The following MTDH variants were observed in gnomAD, a reference collection of about 807,000 sequenced individuals.
MTDH encodes the protein metadherin.
MTDH carries 34 observed loss-of-function variants against 72.7 expected under a neutral mutation model. The ratio of observed to expected loss-of-function variants is 0.47; its 90% CI spans 0.36 to 0.62. The LOEUF is 0.62. Among genes scored for constraint, MTDH ranks in the 20% least tolerant of loss-of-function variants. The pLI, the probability that MTDH is intolerant of heterozygous loss-of-function variation, is 0.00. For synonymous variants in MTDH, 266 were observed against 268.9 expected, an observed-to-expected ratio of 0.99 and a Z score of 0.10; for missense variants, 677 against 699.4, an observed-to-expected ratio of 0.97 and a Z score of 0.36.
chr8:97,707,837 T>G lies in MTDH; in HGVS notation c.1272+1087T>G, dbSNP rs1217132247. 2.0e-5 allele frequency among the ~76,000 whole-genome samples: 3 copies of G among 148,644 alleles called. No homozygotes were observed. The South Asian group carries it at 6.4e-4, about 32-fold the overall frequency. ...CTGAGGCAGGAGGATTGTTTGAACA[T>G]AGCAAGACCCCATCTCTTAAAAAAG... On this transcript the variant is annotated intron_variant, in intron 8 of 11. Transcript: ENST00000336273.
At chr8:97,706,520 C>T in intron 7 of MTDH, 106 bp from the exon 8 acceptor site, 1 of 1,110,956 alleles carries the variant, frequency 9.0e-7, no homozygotes, top group Non-Finnish European at 1.2e-6. Flanking sequence ...GGAGACAGAA[C>T]AATAACTTAA....
In MTDH at chr8:97,644,883, C is replaced by A; in HGVS notation, c.377C>A (p.Pro126His). The A allele has an allele frequency of 6.5e-7, 1 of 1,550,280 alleles. No individual in the cohort carries two copies. The highest frequency in any genetic ancestry group is 8.6e-7 in the Non-Finnish European group (1 of 1,159,784). The change falls in exon 1 of 12, where the codon CCC becomes CAC. Residue 126 changes from proline (P) to histidine (H), a missense_variant. Around this residue, in one of 3 missense-constraint regions of MTDH, gnomAD observed 467 missense variants for 469.1 expected, o/e 1.00. Transcript: ENST00000336273. ...AACCGGAAGAAACTGTCCGAGAAGC[C>A]CAAAGTGAGTATGGGATGAGCGGCA... ...KKNRKKLSEK[P>H]KPNGRTVEVA... is the part of the protein sequence containing the mutation.
intron 6 of MTDH, among the ~76,000 whole-genome samples, chr8:97,691,941 G>A (rs931491788): frequency 5.9e-5 from 9 of 151,474 alleles, no homozygotes; most frequent in South Asian, 2.1e-4. Flanking sequence ...GTGCAGTGGC[G>A]CGATCTCAGC....
At chr8:97,651,651 A>G (rs999017169) in intron 1 of MTDH, among the ~76,000 whole-genome samples, 1 of 152,208 alleles carries the variant, frequency 6.6e-6, no homozygotes, top group Non-Finnish European at 1.5e-5. Flanking sequence ...GTGAAAAGAT[A>G]AATTCACCAA....
chr8:97,720,375 G>A (rs1424231142), intron 10 of MTDH, among the ~76,000 whole-genome samples: 1 of 151,956 alleles, frequency 6.6e-6, no homozygotes, highest in African/African-American at 2.4e-5. Context: ...CCAGGAGTTT[G>A]AGACCAGCCT....
At chr8:97,706,472 T>C in intron 7 of MTDH, 154 bp from the exon 8 acceptor site, 1 of 533,640 alleles carries the variant, frequency 1.9e-6, no homozygotes, top group Non-Finnish European at 3.0e-6. Context: ...ATTGTTACCT[T>C]CATGTTATTT....
At chr8:97,671,366 C>T (rs2130958154) in intron 2 of MTDH, among the ~76,000 whole-genome samples, 1 of 152,200 alleles carries the variant, frequency 6.6e-6, no homozygotes. Flanking sequence ...AATACAAACA[C>T]AGATATATGA....
At position 97,730,247 on chromosome 8, in the gene MTDH, A is replaced by G. The variant is rs1815505499; in HGVS notation, c.*5577A>G. Among the ~76,000 whole-genome samples the G allele has an allele frequency of 6.6e-6, 1 of 152,218 alleles. No homozygotes were observed. The highest frequency in any genetic ancestry group is 2.4e-5 in the African/African-American group (1 of 41,466). ...TTTAAAAGCATAATAAAATGAACAC[A>G]TCTGAAACCACCATTCTGCTCAAGA... On this transcript the variant is annotated 3_prime_UTR_variant, in exon 12 of 12. Coordinates refer to ENST00000336273, the MANE Select transcript of MTDH (RefSeq NM_178812.4).
chr8:97,711,761 A>G (rs1814649182), intron 8 of MTDH, among the ~76,000 whole-genome samples: 1 of 152,218 alleles, frequency 6.6e-6, no homozygotes, highest in Non-Finnish European at 1.5e-5. Flanking sequence ...TTAGTAAAGG[A>G]TTAACAACAG....
chr8:97,699,941 C>A (rs1169115239), intron 7 of MTDH, 89 bp downstream of exon 7: 13 of 808,980 alleles, frequency 1.6e-5, no homozygotes, highest in Non-Finnish European at 2.6e-5. Context: ...AATTTTAATT[C>A]TAATTTCTCA....
intron 1 of MTDH, among the ~76,000 whole-genome samples, chr8:97,655,150 T>G (rs1811916983): frequency 6.6e-6 from 1 of 152,188 alleles, no homozygotes; most frequent in Non-Finnish European, 1.5e-5. Context: ...GTGAAACACA[T>G]TTGGGATCTC....
intron 1 of MTDH, among the ~76,000 whole-genome samples, chr8:97,653,097 G>A (rs540365563): frequency 1.3e-5 from 2 of 150,060 alleles, no homozygotes; most frequent in South Asian, 4.2e-4. Context: ...CTAGCCTGGC[G>A]ACAGAGCGAG....
At chr8:97,677,113 G>A (rs1157360182) in intron 2 of MTDH, among the ~76,000 whole-genome samples, 2 of 144,980 alleles carry the variant, frequency 1.4e-5, no homozygotes, top group Non-Finnish European at 3.0e-5. Flanking sequence ...AGCCCAGGAG[G>A]TCAAGGCTGC....
rs759718807 is a variant in MTDH, at chr8:97,644,568, T to C, written c.62T>C (p.Leu21Pro). The change falls in exon 1 of 12, where the codon CTG (leucine) becomes CCG (proline). Residue 21 changes from leucine to proline, a missense_variant. Physicochemically the swap from Leu to Pro is moderately conservative, Grantham distance 98 (BLOSUM62 -3). This residue lies in a region of MTDH where 467 missense variants were observed against 469.1 expected (regional missense o/e 1.00). Transcript: ENST00000336273. ...AQQAEEGSAR[L>P]REMLSVGLGF... The stretch of plus-strand genomic sequence containing the variant: ...CAGGCCGAGGAGGGCTCGGCCCGGC[T>C]GCGGGAAATGCTCTCGGTCGGCCTA... 1.2e-6 allele frequency: 2 copies of C among 1,605,676 alleles called. No homozygotes were observed. Among genetic ancestry groups the C allele is most frequent in the South Asian group, 2.2e-5 (2 of 90,282 alleles).
At chr8:97,709,918 C>G (rs1165306328) in intron 8 of MTDH, among the ~76,000 whole-genome samples, 1 of 152,100 alleles carries the variant, frequency 6.6e-6, no homozygotes, top group Non-Finnish European at 1.5e-5. Context: ...AGCATCTTCC[C>G]ATTAACAAAA....
At chr8:97,707,876 AAAAGTT>A (rs1563562278) in intron 8 of MTDH, among the ~76,000 whole-genome samples, 1 of 152,100 alleles carries the variant, frequency 6.6e-6, no homozygotes, top group Non-Finnish European at 1.5e-5. Flanking sequence ...AAAAAAAAGA[AAAAGTT>A]AAATGAGAGG....
chr8:97,645,501 G>C (rs990878787), intron 1 of MTDH, among the ~76,000 whole-genome samples: 4 of 152,234 alleles, frequency 2.6e-5, no homozygotes, highest in Non-Finnish European at 4.4e-5. Context: ...GCAAGAGGGG[G>C]TCGGTTACCT....
chr8:97,696,332 A>G (rs1586257879), intron 6 of MTDH: 1 of 920,638 alleles, frequency 1.1e-6, no homozygotes, highest in Non-Finnish European at 1.3e-6. Flanking sequence ...TAACAAAAAC[A>G]TTTGTTTAAT....
At position 97,644,649 on chromosome 8, in the gene MTDH, C is replaced by T; in HGVS notation, c.143C>T (p.Pro48Leu). Residue 48 changes from proline (P) to leucine (L), a missense_variant, in exon 1 of 12, where the codon CCC becomes CTC. This residue lies in a region of MTDH where 467 missense variants were observed against 469.1 expected (regional missense o/e 1.00). Coordinates refer to ENST00000336273, the MANE Select transcript of MTDH (RefSeq NM_178812.4). ...LDLGLEPKRY[P>L]GWVILVGTGA... ...CTGGGGCTGGAGCCGAAACGGTACCCCGGCTGGGTGATCCTGGTGGGCACT... is the reference window on the plus strand; with the variant it reads ...CTGGGGCTGGAGCCGAAACGGTACCTCGGCTGGGTGATCCTGGTGGGCACT... 6.2e-7 allele frequency: 1 copy of T among 1,609,766 alleles called. No homozygotes were observed.
Sources: gnomAD v4.1 joint callset for allele counts (sites outside exome capture counted in the v4.1 genomes callset) on GRCh38, gnomAD v4.1.1 for gene constraint, gnomAD v4.1.1 regional missense constraint, MANE v1.5 for transcripts, NCBI Gene and HGNC (gene_info 2026-07-23, HGNC 2026-07-21) for gene names.